SUPT3H: variants seen among roughly 807,000 people sequenced by gnomAD.
SUPT3H encodes SPT3 homolog, SAGA and STAGA complex component, also known as transcription initiation protein SPT3 homolog.
In SUPT3H, 44 loss-of-function variants were observed where a neutral mutation model predicts 44.3. That is an observed-to-expected ratio of 0.99 (90% confidence interval 0.78 to 1.28). The LOEUF (loss-of-function observed/expected upper bound fraction) is 1.28. SUPT3H is among the 50% of genes most tolerant of loss of function. The pLI is 0.00. For synonymous variants in SUPT3H, 124 were observed against 125.6 expected (o/e 0.99, Z 0.09); for missense variants, 380 against 387.1 (o/e 0.98, Z 0.15).
intron 3 of SUPT3H, among the ~76,000 whole-genome samples, chr6:45,086,205 A>T (rs1273101268): frequency 6.6e-6 from 1 of 152,062 alleles, no homozygotes; most frequent in Non-Finnish European, 1.5e-5. Context: ...AACAAATTTC[A>T]TTATCTGTAT....
chr6:45,222,107 C>T (rs1239093035), intron 2 of SUPT3H, among the ~76,000 whole-genome samples: 1 of 151,830 alleles, frequency 6.6e-6, no homozygotes, highest in African/African-American at 2.4e-5. Context: ...TTAAACCTCA[C>T]AGCATATATA....
At chr6:45,015,014 T>A (rs899026834) in intron 4 of SUPT3H, 123 bp from the exon 5 acceptor site, 1 of 488,388 alleles carries the variant, frequency 2.0e-6, no homozygotes, top group Non-Finnish European at 3.4e-6. Context: ...AGTAAAGTAA[T>A]CCTTAGCATA....
intron 2 of SUPT3H, among the ~76,000 whole-genome samples, chr6:45,111,519 TC>T (rs1313766396): frequency 7.1e-6 from 1 of 140,542 alleles, no homozygotes; most frequent in African/African-American, 2.7e-5. Flanking sequence ...TGGCATACAT[TC>T]CCCCCTCCCT....
chr6:45,297,598 T>G (rs1007387283), intron 2 of SUPT3H, among the ~76,000 whole-genome samples: 6 of 152,246 alleles, frequency 3.9e-5, no homozygotes, highest in African/African-American at 2.4e-5. Context: ...CTGAGCTCAT[T>G]TTATTGTCTT....
intron 2 of SUPT3H, among the ~76,000 whole-genome samples, chr6:45,230,487 C>CT (rs1378336472): frequency 6.6e-6 from 1 of 150,604 alleles, no homozygotes; most frequent in Admixed American, 6.6e-5. Context: ...CCATCTTTGT[C>CT]TTTTTTTATG....
At chr6:44,915,127 A>G (rs1767618785) in intron 10 of SUPT3H, among the ~76,000 whole-genome samples, 1 of 152,200 alleles carries the variant, frequency 6.6e-6, no homozygotes, top group Non-Finnish European at 1.5e-5. Flanking sequence ...AAGTAAAGAG[A>G]GTGGCAAAAT....
chr6:44,977,947 G>A (rs1350899872), intron 6 of SUPT3H, among the ~76,000 whole-genome samples: 2 of 152,070 alleles, frequency 1.3e-5, no homozygotes, highest in Non-Finnish European at 2.9e-5. Context: ...ATCTAGAAAT[G>A]TATTCTAAAA....
rs140536780 is a variant in SUPT3H, at chr6:44,965,267, G to A, written c.505-3439C>T. ...TGATTCCATTCACTCTCTGGATGCTGAACGAAGCTGAGGCAGCAGAACCCC... is the reference window on the plus strand; with the variant it reads ...TGATTCCATTCACTCTCTGGATGCTAAACGAAGCTGAGGCAGCAGAACCCC... On this transcript the variant is annotated intron_variant, in intron 6 of 10. Coordinates refer to ENST00000371459, the MANE Select transcript of SUPT3H (RefSeq NM_003599.4). Among the ~76,000 whole-genome samples the A allele has an allele frequency of 3.2e-3, 490 of 152,298 alleles. 1 individual carries two copies. Among genetic ancestry groups the A allele is most frequent in the African/African-American group, 0.011 (465 of 41,564 alleles).
At chr6:44,891,134 A>AAAG (rs1324170644) in intron 10 of SUPT3H, among the ~76,000 whole-genome samples, 3 of 152,182 alleles carry the variant, frequency 2.0e-5, no homozygotes. Context: ...ATAATAATAA[A>AAAG]AAGAAGAAGA....
At chr6:44,814,796 C>T (rs1430852632) in intron 11 of SUPT3H, among the ~76,000 whole-genome samples, 4 of 152,070 alleles carry the variant, frequency 2.6e-5, no homozygotes, top group East Asian at 1.9e-4. Context: ...CCTGCCTCAG[C>T]GTCCTGAATA....
At chr6:45,096,275 T>C (rs1254869467) in intron 3 of SUPT3H, among the ~76,000 whole-genome samples, 2 of 152,110 alleles carry the variant, frequency 1.3e-5, no homozygotes, top group Non-Finnish European at 2.9e-5. Context: ...TATGTAAGAG[T>C]TGGTTTAAAT....
At chr6:45,142,397 T>C (rs1805355792) in intron 2 of SUPT3H, among the ~76,000 whole-genome samples, 1 of 152,054 alleles carries the variant, frequency 6.6e-6, no homozygotes, top group Admixed American at 6.6e-5. Flanking sequence ...GTACATCACA[T>C]CTCAATACTA....
intron 10 of SUPT3H, among the ~76,000 whole-genome samples, chr6:44,866,610 G>A (rs1190868746): frequency 6.6e-6 from 1 of 152,088 alleles, no homozygotes; most frequent in African/African-American, 2.4e-5. Context: ...GCTTTACTGT[G>A]TGTCAAATTA....
chr6:44,954,697 C>T, intron 7 of SUPT3H, 90 bp from the exon 8 acceptor site: 1 of 737,846 alleles, frequency 1.4e-6, no homozygotes, highest in Non-Finnish European at 2.3e-6. Context: ...AAAAAGTATA[C>T]TCAGAATTGT....
At chr6:45,347,451 A>G (rs897349264) in intron 2 of SUPT3H, among the ~76,000 whole-genome samples, 1 of 152,194 alleles carries the variant, frequency 6.6e-6, no homozygotes, top group African/African-American at 2.4e-5. Context: ...ATGGCACATA[A>G]TGAACCCAAA....
chr6:45,100,326 G>A (rs1045835690), intron 3 of SUPT3H, among the ~76,000 whole-genome samples: 7 of 151,462 alleles, frequency 4.6e-5, no homozygotes, highest in Non-Finnish European at 7.4e-5. Context: ...GAATTTCTTC[G>A]GACAAGGGAT....
intron 10 of SUPT3H, among the ~76,000 whole-genome samples, chr6:44,889,562 T>A (rs1296144780): frequency 1.3e-5 from 2 of 152,200 alleles, no homozygotes; most frequent in Admixed American, 1.3e-4. Context: ...TAGCCACATG[T>A]AGAAAGCTGA....
chr6:44,923,616 A>C (rs887628958), intron 10 of SUPT3H, among the ~76,000 whole-genome samples: 7 of 152,134 alleles, frequency 4.6e-5, no homozygotes, highest in African/African-American at 1.7e-4. Context: ...CACAAAGTGA[A>C]AGCAGGAAAG....
In SUPT3H at chr6:45,178,025, A is replaced by C. The variant is rs542114824; in HGVS notation, c.102-72019T>G. On this transcript the variant is annotated intron_variant, in intron 2 of 10. Coordinates refer to ENST00000371459, the MANE Select transcript of SUPT3H (RefSeq NM_003599.4). ...AACTGCATCAACTAACGAGCAAAAT[A>C]ACCAGCTAACATCATAATGACAGGA... Among the ~76,000 whole-genome samples, 260 of 152,314 alleles carry C rather than the reference A, an allele frequency of 1.7e-3. 2 individuals carry two copies. Among genetic ancestry groups the C allele is most frequent in the African/African-American group, 5.6e-3 (233 of 41,566 alleles).
Sources: allele counts gnomAD v4.1 joint callset (sites outside exome capture counted in the v4.1 genomes callset), GRCh38; gene constraint gnomAD v4.1.1; transcripts MANE v1.5; gene names NCBI Gene and HGNC (gene_info 2026-07-23, HGNC 2026-07-21).